The following SEMA3A variants were observed in gnomAD, a reference collection of about 807,000 sequenced individuals.
SEMA3A encodes semaphorin 3A.
In SEMA3A, 29 loss-of-function variants were observed where a neutral mutation model predicts 97.9. The ratio of observed to expected loss-of-function variants is 0.30; its 90% CI spans 0.22 to 0.40. SEMA3A has a LOEUF of 0.40. Ranked by LOEUF, SEMA3A falls within the 10% of genes least tolerant of loss-of-function variation. SEMA3A has a pLI of 1.00. For synonymous variants in SEMA3A, 321 were observed against 323.7 expected (o/e 0.99, Z 0.09); for missense variants, 763 against 951.3 (o/e 0.80, Z 2.60).
chr7:84,389,156 T>G (rs1161761754), intron 1 of SEMA3A, among the ~76,000 whole-genome samples: 1 of 151,898 alleles, frequency 6.6e-6, no homozygotes, highest in Non-Finnish European at 1.5e-5. Flanking sequence ...AGACACAAAA[T>G]CAAATGAAGA....
At chr7:84,487,159 A>C (rs1220478667) in intron 1 of SEMA3A, among the ~76,000 whole-genome samples, 1 of 152,150 alleles carries the variant, frequency 6.6e-6, no homozygotes, top group Non-Finnish European at 1.5e-5. Flanking sequence ...AAATGAAAAG[A>C]AATATTTAAT....
intron 1 of SEMA3A, among the ~76,000 whole-genome samples, chr7:84,397,646 T>C (rs1180725645): frequency 2.0e-5 from 3 of 151,866 alleles, no homozygotes; most frequent in Non-Finnish European, 4.4e-5. Context: ...TTCCTAGCAT[T>C]TCTGTGAAAA....
At chr7:84,399,223 A>G (rs1803830194) in intron 1 of SEMA3A, among the ~76,000 whole-genome samples, 2 of 152,166 alleles carry the variant, frequency 1.3e-5, no homozygotes, top group South Asian at 2.1e-4. Context: ...GTGCCCACAG[A>G]GGGAGCATTT....
chr7:84,415,457 G>A (rs561925394), intron 1 of SEMA3A, among the ~76,000 whole-genome samples: 3 of 152,110 alleles, frequency 2.0e-5, no homozygotes, highest in African/African-American at 7.2e-5. Context: ...GTAGAACACT[G>A]TCCTAGCTTT....
chr7:84,018,530 A>G (rs1013898144), intron 6 of SEMA3A, among the ~76,000 whole-genome samples: 4 of 152,204 alleles, frequency 2.6e-5, no homozygotes, highest in African/African-American at 9.7e-5. Flanking sequence ...AACAAAAATA[A>G]GAGCTTAGAA....
intron 3 of SEMA3A, among the ~76,000 whole-genome samples, chr7:84,233,099 T>C (rs2116360668): frequency 6.6e-6 from 1 of 152,188 alleles, no homozygotes; most frequent in South Asian, 2.1e-4. Context: ...CCATTACCCA[T>C]TGCCTGACTA....
intron 3 of SEMA3A, among the ~76,000 whole-genome samples, chr7:84,285,441 C>A (rs1584201725): frequency 6.6e-6 from 1 of 152,052 alleles, no homozygotes; most frequent in Admixed American, 6.6e-5. Flanking sequence ...GCAGTTATGG[C>A]AGTAGGAATT....
chr7:84,300,470 A>T (rs939539539), intron 3 of SEMA3A, among the ~76,000 whole-genome samples: 1 of 152,122 alleles, frequency 6.6e-6, no homozygotes, highest in Non-Finnish European at 1.5e-5. Context: ...TTATTTTGGT[A>T]GGGGCTACAT....
chr7:84,137,316 G>A (rs1158617280), intron 1 of SEMA3A, among the ~76,000 whole-genome samples: 1 of 149,932 alleles, frequency 6.7e-6, no homozygotes, highest in Non-Finnish European at 1.5e-5. Flanking sequence ...CAAGAGAATT[G>A]CTTGAACCTG....
chr7:84,074,894 T>C (rs1793881752), intron 4 of SEMA3A, among the ~76,000 whole-genome samples: 1 of 152,220 alleles, frequency 6.6e-6, no homozygotes, highest in South Asian at 2.1e-4. Flanking sequence ...AATAATTGTT[T>C]TGATAAAAAT....
chr7:84,444,828 G>A (rs907457347), intron 1 of SEMA3A, among the ~76,000 whole-genome samples: 4 of 152,024 alleles, frequency 2.6e-5, no homozygotes, highest in African/African-American at 9.7e-5. Context: ...CCAAAGTGCT[G>A]GGATTACAGG....
chr7:84,392,630 C>A (rs1003855595), intron 1 of SEMA3A, among the ~76,000 whole-genome samples: 2 of 152,070 alleles, frequency 1.3e-5, no homozygotes, highest in African/African-American at 4.8e-5. Flanking sequence ...TTTTTGGCAA[C>A]CTTCATACAA....
At chr7:84,334,524 C>A (rs1450774742) in intron 2 of SEMA3A, among the ~76,000 whole-genome samples, 3 of 151,836 alleles carry the variant, frequency 2.0e-5, no homozygotes, top group African/African-American at 7.3e-5. Context: ...CCCTTATTTC[C>A]TGCACTCTTC....
intron 6 of SEMA3A, among the ~76,000 whole-genome samples, chr7:84,018,906 A>C (rs767705120): frequency 3.3e-5 from 5 of 152,174 alleles, no homozygotes; most frequent in Non-Finnish European, 7.4e-5. Flanking sequence ...GCTGCAGAGA[A>C]AAACAAAACA....
chr7:84,109,681 T>G (rs2115936715), intron 4 of SEMA3A, among the ~76,000 whole-genome samples: 1 of 152,318 alleles, frequency 6.6e-6, no homozygotes, highest in Middle Eastern at 3.4e-3. Context: ...AGTCCTTTAT[T>G]TGTTGAGTAT....
At chr7:84,307,331 A>C (rs965466484) in intron 2 of SEMA3A, 3 of 152,164 alleles carry the variant, frequency 2.0e-5, no homozygotes, top group Non-Finnish European at 4.4e-5. Context: ...AATTTAATAT[A>C]AATCAAACAA....
chr7:84,197,192 C>T (rs1306058096), upstream of SEMA3A, among the ~76,000 whole-genome samples: 12 of 152,042 alleles, frequency 7.9e-5, no homozygotes, highest in Non-Finnish European at 1.2e-4. Flanking sequence ...CATATACACA[C>T]GATTTTTTAT....
At chr7:84,316,213 T>C (rs1011565221) in intron 2 of SEMA3A, among the ~76,000 whole-genome samples, 2 of 151,280 alleles carry the variant, frequency 1.3e-5, no homozygotes, top group African/African-American at 4.8e-5. Context: ...TCATTTTAAT[T>C]TGAGAGAAGT....
In SEMA3A at chr7:83,958,034, T is replaced by G. The variant is rs1043231953; in HGVS notation, c.*3337A>C. 7.2e-5 allele frequency: 11 copies of G among 152,082 alleles called. No individual in the cohort carries two copies. Among genetic ancestry groups the G allele is most frequent in the African/African-American group, 2.4e-4 (10 of 41,456 alleles). 9.4% of individuals were successfully genotyped at this position (152,082 alleles called of 1,614,324 possible). A position where few individuals can be genotyped will look rare whatever the true frequency, so the allele number is the denominator to read the frequency against. Reference sequence around the variant, plus strand: ...TCTGTGACCTTTAAGATAAGCAATTTCAATAACAGTCATCTGACATCTTTG... The same window carrying G: ...TCTGTGACCTTTAAGATAAGCAATTGCAATAACAGTCATCTGACATCTTTG... On this transcript the variant is annotated 3_prime_UTR_variant, in exon 17 of 17. Transcript: ENST00000265362.
Sources: allele counts gnomAD v4.1 joint callset (sites outside exome capture counted in the v4.1 genomes callset), GRCh38; gene constraint gnomAD v4.1.1; transcripts MANE v1.5; gene names NCBI Gene and HGNC (gene_info 2026-07-23, HGNC 2026-07-21).